The following TCF12 variants were observed in gnomAD, a reference collection of about 807,000 sequenced individuals.
TCF12 encodes DNA-binding protein HTF4.
In TCF12, 45 loss-of-function variants were observed where a neutral mutation model predicts 86.0. The observed-to-expected ratio is 0.52, with a 90% CI of 0.41 to 0.67. The LOEUF is 0.67. Ranked by LOEUF, TCF12 falls within the 30% of genes least tolerant of loss-of-function variation. TCF12 has a pLI of 0.00. For missense variants in TCF12, 881 were observed against 859.9 expected (o/e 1.02, Z -0.31); for synonymous variants, 330 against 299.6 (o/e 1.10, Z -1.05).
chr15:57,142,369 T>C (rs2053039316), intron 5 of TCF12, among the ~76,000 whole-genome samples: 1 of 133,580 alleles, frequency 7.5e-6, no homozygotes, highest in African/African-American at 2.7e-5. Flanking sequence ...GTGTTACATA[T>C]ATATGTCTAT....
chr15:57,261,915 A>G (rs377764470), intron 16 of TCF12, among the ~76,000 whole-genome samples, 179 bp from the exon 17 acceptor site: 12 of 152,162 alleles, frequency 7.9e-5, no homozygotes, highest in African/African-American at 2.9e-4. Context: ...CAGTACTGCT[A>G]TGAAGTATTA....
At position 57,232,736 on chromosome 15, in the gene TCF12, C is replaced by A; in HGVS notation, c.850C>A (p.Pro284Thr). ...GAGTTATCCTCCACACTCAGTTTCA[C>A]CAACAGACATAAACACGAGTCTTCC... ...RLSYPPHSVS[P>T]TDINTSLPPM... Residue 284 changes from proline (P) to threonine (T), a missense_variant, in exon 11 of 21, where the codon CCA (proline) becomes ACA (threonine). Physicochemically the swap from Pro to Thr is conservative, Grantham distance 38. Coordinates refer to ENST00000333725, the MANE Select transcript of TCF12 (RefSeq NM_207037.2). 2 of 1,611,958 alleles carry A rather than the reference C, an allele frequency of 1.2e-6. No individual in the cohort carries two copies. The highest frequency in any genetic ancestry group is 1.7e-6 in the Non-Finnish European group (2 of 1,179,074).
intron 3 of TCF12, among the ~76,000 whole-genome samples, chr15:56,982,185 G>A (rs2062926405): frequency 6.6e-6 from 1 of 152,144 alleles, no homozygotes; most frequent in African/African-American, 2.4e-5. Context: ...TGGGGAGCAA[G>A]AAACACATAA....
chr15:57,231,416 A>T (rs1326073033), intron 9 of TCF12, among the ~76,000 whole-genome samples, 159 bp downstream of exon 9: 1 of 152,128 alleles, frequency 6.6e-6, no homozygotes, highest in African/African-American at 2.4e-5. Context: ...AGTGGTGTTT[A>T]TTGCTGACTG....
chr15:57,110,116 A>T (rs1444197651), intron 5 of TCF12, among the ~76,000 whole-genome samples: 1 of 152,216 alleles, frequency 6.6e-6, no homozygotes, highest in Non-Finnish European at 1.5e-5. Flanking sequence ...ATGCATTCTC[A>T]TGATAGCATA....
intron 3 of TCF12, among the ~76,000 whole-genome samples, chr15:56,998,328 G>A (rs1002192974): frequency 1.3e-5 from 2 of 151,696 alleles, no homozygotes; most frequent in African/African-American, 2.4e-5. Flanking sequence ...GTGGTAGCAC[G>A]TGGTTGTAGT....
chr15:57,236,308 G>A (rs961035281), intron 12 of TCF12, among the ~76,000 whole-genome samples: 5 of 152,044 alleles, frequency 3.3e-5, no homozygotes, highest in Non-Finnish European at 5.9e-5. Flanking sequence ...CACTCAAAAC[G>A]TACTGAAAAA....
intron 8 of TCF12, among the ~76,000 whole-genome samples, chr15:57,209,525 A>G (rs1433616091): frequency 6.6e-6 from 1 of 152,222 alleles, no homozygotes; most frequent in Non-Finnish European, 1.5e-5. Flanking sequence ...GGACAGTCTT[A>G]TATTTCTCTT....
chr15:57,123,549 TG>T (rs1263700481), intron 5 of TCF12, among the ~76,000 whole-genome samples: 4 of 151,978 alleles, frequency 2.6e-5, no homozygotes, highest in South Asian at 2.1e-4. Context: ...GATCTTGCTT[TG>T]TTGTCCAGGC....
intron 3 of TCF12, among the ~76,000 whole-genome samples, chr15:57,025,844 G>T (rs974217813): frequency 6.6e-6 from 1 of 152,186 alleles, no homozygotes; most frequent in Non-Finnish European, 1.5e-5. Flanking sequence ...GATGGTAGTG[G>T]TTCCTTTGTA....
intron 16 of TCF12, among the ~76,000 whole-genome samples, chr15:57,255,858 T>C (rs1249877363): frequency 6.6e-6 from 1 of 152,220 alleles, no homozygotes; most frequent in Non-Finnish European, 1.5e-5. Flanking sequence ...GAAGTGAGTC[T>C]GGCTTAGTCT....
At chr15:57,070,984 C>T (rs2069326246) in intron 4 of TCF12, among the ~76,000 whole-genome samples, 1 of 152,102 alleles carries the variant, frequency 6.6e-6, no homozygotes, top group Admixed American at 6.5e-5. Flanking sequence ...TTGGACTTAC[C>T]CTGATCCCCC....
intron 3 of TCF12, among the ~76,000 whole-genome samples, chr15:56,923,090 G>C (rs749573745): frequency 6.6e-6 from 1 of 151,826 alleles, no homozygotes; most frequent in African/African-American, 2.4e-5. Flanking sequence ...TTTGTTTTCT[G>C]TTTTGTCTTT....
At chr15:57,224,408 A>G (rs907968214) in intron 8 of TCF12, among the ~76,000 whole-genome samples, 1 of 152,104 alleles carries the variant, frequency 6.6e-6, no homozygotes. Flanking sequence ...AGTGATGTTA[A>G]TTTAAGATTA....
At chr15:57,283,139 TG>T (rs1201100929) in intron 20 of TCF12, among the ~76,000 whole-genome samples, 1 of 152,204 alleles carries the variant, frequency 6.6e-6, no homozygotes, top group African/African-American at 2.4e-5. Context: ...TATTAATGAA[TG>T]GGAAGTTATT....
chr15:57,006,761 A>AG (rs1871748123), intron 3 of TCF12, among the ~76,000 whole-genome samples: 1 of 86,654 alleles, frequency 1.2e-5, no homozygotes, highest in Non-Finnish European at 3.8e-5. Context: ...TACCAAAAAT[A>AG]CAAAAATGAG....
chr15:57,158,954 TAGGC>T (rs1260634128), intron 5 of TCF12, among the ~76,000 whole-genome samples: 1 of 152,194 alleles, frequency 6.6e-6, no homozygotes, highest in African/African-American at 2.4e-5. Flanking sequence ...GTGAAGAAAA[TAGGC>T]AAGCATTTAT....
chr15:56,974,199 T>G (rs2062484565), intron 3 of TCF12, among the ~76,000 whole-genome samples: 1 of 152,118 alleles, frequency 6.6e-6, no homozygotes, highest in African/African-American at 2.4e-5. Flanking sequence ...AAGAAAATAT[T>G]CTTTTTAGGA....
At chr15:57,101,807 A>C (rs16977243) in intron 5 of TCF12, among the ~76,000 whole-genome samples, 35,998 of 152,166 alleles carry the variant, frequency 0.24, 4,897 homozygotes, top group East Asian at 0.41. Flanking sequence ...TGAAATTTCT[A>C]GGGAGTGACA....
Sources: gnomAD v4.1 joint callset for allele counts (sites outside exome capture counted in the v4.1 genomes callset) on GRCh38, gnomAD v4.1.1 for gene constraint, MANE v1.5 for transcripts, NCBI Gene and HGNC (gene_info 2026-07-23, HGNC 2026-07-21) for gene names.